Variants in FAM107B observed in about 807,000 individuals in gnomAD.
FAM107B encodes family with sequence similarity 107 member B.
Under a neutral mutation model 31.5 loss-of-function variants are expected in FAM107B, and 21 were observed. That is an observed-to-expected ratio of 0.67 (90% CI 0.47 to 0.96). The LOEUF is 0.96. FAM107B is among the 40% of genes least tolerant of loss of function. The pLI is 0.00. For synonymous variants in FAM107B, 157 were observed against 141.5 expected (o/e 1.11, Z -0.78); for missense variants, 452 against 377.1 (o/e 1.20, Z -1.64).
At chr10:14,720,961 A>G (rs1038059470) in intron 1 of FAM107B, among the ~76,000 whole-genome samples, 11 of 152,048 alleles carry the variant, frequency 7.2e-5, no homozygotes, top group African/African-American at 2.4e-4. Flanking sequence ...CATCATTTAC[A>G]TTAGGTATTT....
At chr10:14,768,960 T>A (rs575552192) in intron 1 of FAM107B, among the ~76,000 whole-genome samples, 1 of 152,166 alleles carries the variant, frequency 6.6e-6, no homozygotes, top group African/African-American at 2.4e-5. Context: ...CTGACTCTAA[T>A]CCATCCTACA....
chr10:14,621,276 A>T (rs1853003979), intron 2 of FAM107B, among the ~76,000 whole-genome samples: 1 of 152,150 alleles, frequency 6.6e-6, no homozygotes, highest in African/African-American at 2.4e-5. Context: ...AGCAACATTA[A>T]ACTGCTGTTT....
At chr10:14,651,746 G>A (rs80027809) in intron 2 of FAM107B, among the ~76,000 whole-genome samples, 2,123 of 152,262 alleles carry the variant, frequency 0.014, 18 homozygotes, top group Non-Finnish European at 0.023. Flanking sequence ...AGGCTAGGTG[G>A]GATTTTAATA....
chr10:14,713,673 G>A (rs1855713277), intron 1 of FAM107B, among the ~76,000 whole-genome samples: 1 of 152,046 alleles, frequency 6.6e-6, no homozygotes, highest in East Asian at 1.9e-4. Flanking sequence ...ATCATAATTT[G>A]ATGTCATTTG....
intron 2 of FAM107B, among the ~76,000 whole-genome samples, chr10:14,648,662 C>G (rs1024167108): frequency 1.3e-5 from 2 of 152,158 alleles, no homozygotes; most frequent in African/African-American, 4.8e-5. Context: ...CACCCAGGTG[C>G]GTCGGTGGCA....
At chr10:14,646,381 C>G (rs1240623171) in intron 2 of FAM107B, among the ~76,000 whole-genome samples, 1 of 152,184 alleles carries the variant, frequency 6.6e-6, no homozygotes, top group Non-Finnish European at 1.5e-5. Context: ...CTGTACCACT[C>G]TGTATGCCCA....
intron 2 of FAM107B, among the ~76,000 whole-genome samples, chr10:14,552,096 T>G (rs1404641950): frequency 6.6e-6 from 1 of 152,192 alleles, no homozygotes; most frequent in East Asian, 1.9e-4. Flanking sequence ...ATTTTTAATT[T>G]GAAAAGGACG....
chr10:14,634,279 A>T (rs1853440961), intron 2 of FAM107B, among the ~76,000 whole-genome samples: 3 of 152,036 alleles, frequency 2.0e-5, no homozygotes, highest in African/African-American at 7.2e-5. Flanking sequence ...GGGTGCCTAT[A>T]GTCCCAGCTA....
At chr10:14,694,934 T>C (rs1855229673) in intron 1 of FAM107B, among the ~76,000 whole-genome samples, 1 of 152,218 alleles carries the variant, frequency 6.6e-6, no homozygotes, top group Admixed American at 6.5e-5. Context: ...TGTATATTTT[T>C]CCCAATGTAT....
intron 2 of FAM107B, among the ~76,000 whole-genome samples, chr10:14,628,906 T>C (rs1853246203): frequency 6.6e-6 from 1 of 151,996 alleles, no homozygotes; most frequent in African/African-American, 2.4e-5. Flanking sequence ...GTATGACTAA[T>C]AGATTTAGAC....
chr10:14,603,152 T>C (rs1018443505), intron 2 of FAM107B, among the ~76,000 whole-genome samples: 1 of 152,176 alleles, frequency 6.6e-6, no homozygotes, highest in Non-Finnish European at 1.5e-5. Context: ...AATTAATATA[T>C]AAAATTTTCT....
At position 14,520,836 on chromosome 10, in the gene FAM107B, C is replaced by T. The variant is rs774981711; in HGVS notation, c.*354G>A. 1.9e-5 allele frequency: 4 copies of T among 205,616 alleles called. No homozygotes were observed. Among genetic ancestry groups the T allele is most frequent in the African/African-American group, 4.6e-5 (2 of 43,552 alleles). The allele number at this position is 205,616 out of a possible 1,614,324, so 12.7% of individuals were successfully genotyped here. ...AAAAGAAAAAAGGCTCTGGGTCCCA[C>T]GAAACTTGGAATGGAAGAAAAACCA... On this transcript the variant is annotated 3_prime_UTR_variant, in exon 5 of 5. Coordinates refer to ENST00000181796, the MANE Select transcript of FAM107B (RefSeq NM_031453.4).
chr10:14,539,485 A>C (rs1847962779), intron 2 of FAM107B, among the ~76,000 whole-genome samples: 1 of 152,202 alleles, frequency 6.6e-6, no homozygotes, highest in Admixed American at 6.5e-5. Flanking sequence ...TCAAAGCCAA[A>C]GTTAAAAAAA....
intron 3 of FAM107B, among the ~76,000 whole-genome samples, chr10:14,526,420 C>T (rs776356220): frequency 2.0e-5 from 3 of 152,210 alleles, no homozygotes; most frequent in Non-Finnish European, 4.4e-5. Flanking sequence ...AGGTGATCTG[C>T]CTGCCTCGGC....
intron 2 of FAM107B, among the ~76,000 whole-genome samples, chr10:14,533,099 A>G (rs1488055405): frequency 6.6e-6 from 1 of 152,198 alleles, no homozygotes; most frequent in African/African-American, 2.4e-5. Context: ...AGTCATTTCC[A>G]GGTTCTGAGC....
intron 2 of FAM107B, among the ~76,000 whole-genome samples, chr10:14,558,232 T>G (rs532382130): frequency 6.6e-5 from 10 of 151,630 alleles, no homozygotes; most frequent in Admixed American, 2.6e-4. Context: ...CACATGTGCA[T>G]GCGCACACTC....
intron 1 of FAM107B, among the ~76,000 whole-genome samples, chr10:14,745,909 T>G (rs1000095657): frequency 6.6e-6 from 1 of 152,148 alleles, no homozygotes; most frequent in Non-Finnish European, 1.5e-5. Context: ...TGTTAAAGTG[T>G]CCCATTATTA....
At chr10:14,749,976 A>C (rs1832795499) in intron 1 of FAM107B, among the ~76,000 whole-genome samples, 1 of 152,206 alleles carries the variant, frequency 6.6e-6, no homozygotes, top group Non-Finnish European at 1.5e-5. Context: ...GAGGCACCTC[A>C]GAGGCCATCT....
chr10:14,706,326 A>G (rs1025655823), intron 1 of FAM107B, among the ~76,000 whole-genome samples: 2 of 151,992 alleles, frequency 1.3e-5, no homozygotes, highest in African/African-American at 4.8e-5. Context: ...TAAGACAGCT[A>G]AAGTATCCCT....
Sources: gnomAD v4.1 joint callset for allele counts (sites outside exome capture counted in the v4.1 genomes callset) on GRCh38, gnomAD v4.1.1 for gene constraint, MANE v1.5 for transcripts, NCBI Gene and HGNC (gene_info 2026-07-23, HGNC 2026-07-21) for gene names.